The following CCDC171 variants were observed in gnomAD, a reference collection of about 807,000 sequenced individuals.
CCDC171 encodes coiled-coil domain containing 171.
A neutral mutation model predicts 168.2 loss-of-function variants in CCDC171; 177 were observed. The observed-to-expected ratio is 1.05, with a 90% CI of 0.93 to 1.19. CCDC171 has a LOEUF of 1.19. Ranked by LOEUF, CCDC171 falls within the 50% of genes most tolerant of loss-of-function variation. CCDC171 has a pLI of 0.00. For synonymous variants in CCDC171, 687 were observed against 540.8 expected (o/e 1.27, Z -3.75); for missense variants, 1,991 against 1,539.0 (o/e 1.29, Z -4.91).
downstream of CCDC171, among the ~76,000 whole-genome samples, chr9:15,976,025 T>C (rs568208619): frequency 1.3e-5 from 2 of 152,234 alleles, no homozygotes; most frequent in South Asian, 2.1e-4. Flanking sequence ...GTTGAAGTGA[T>C]GTGCTGTGAA....
the CCDC171 span, among the ~76,000 whole-genome samples, chr9:16,081,218 A>G: frequency 2.6e-5 from 4 of 152,190 alleles, no homozygotes; most frequent in Admixed American, 1.3e-4. Flanking sequence ...CTTGCTTGCT[A>G]ATGGAACCCA....
intron 4 of CCDC171, among the ~76,000 whole-genome samples, chr9:15,586,230 C>G (rs555402423): frequency 6.6e-6 from 1 of 152,052 alleles, no homozygotes; most frequent in African/African-American, 2.4e-5. Flanking sequence ...GCAAATATGG[C>G]AAAATGTTAA....
rs529839607 is a variant in CCDC171 at position 15,573,344 on chromosome 9, C to T, written c.177+1585C>T. Among the ~76,000 whole-genome samples the T allele has an allele frequency of 7.9e-5, 12 of 152,188 alleles. No homozygotes were observed. In the South Asian group the frequency reaches 1.9e-3, roughly 24 times the overall value. On this transcript the variant is annotated intron_variant, in intron 3 of 25. Coordinates refer to ENST00000380701, the MANE Select transcript of CCDC171 (RefSeq NM_173550.4). ...AGGCTGGAGTGCAGTGGAGCGATCTCGGCTCACTGCAACCACTGCCTCCAG... is the reference window on the plus strand; with the variant it reads ...AGGCTGGAGTGCAGTGGAGCGATCTTGGCTCACTGCAACCACTGCCTCCAG...
intron 18 of CCDC171, among the ~76,000 whole-genome samples, chr9:15,753,457 A>T (rs895222463): frequency 3.9e-5 from 6 of 152,100 alleles, no homozygotes; most frequent in African/African-American, 1.4e-4. Context: ...ATCGGAAGAG[A>T]GATGTATCAT....
the CCDC171 span, among the ~76,000 whole-genome samples, chr9:16,092,739 G>A: frequency 6.6e-6 from 1 of 152,154 alleles, no homozygotes; most frequent in Non-Finnish European, 1.5e-5. Flanking sequence ...TTTACCCTGG[G>A]CTCACCTTTG....
chr9:15,931,024 A>G (rs1469512146), intron 25 of CCDC171, among the ~76,000 whole-genome samples: 1 of 151,600 alleles, frequency 6.6e-6, no homozygotes, highest in East Asian at 1.9e-4. Context: ...TGTTAACCAT[A>G]GTCACATCCA....
intron 25 of CCDC171, among the ~76,000 whole-genome samples, chr9:15,968,045 C>G (rs998322434): frequency 3.9e-5 from 6 of 152,114 alleles, no homozygotes; most frequent in African/African-American, 1.2e-4. Flanking sequence ...TGTCCAATTA[C>G]TGTATTTCAT....
intron 4 of CCDC171, among the ~76,000 whole-genome samples, chr9:15,590,486 A>G (rs2131434698): frequency 6.6e-6 from 1 of 152,328 alleles, no homozygotes; most frequent in African/African-American, 2.4e-5. Context: ...CTTCTTTTCT[A>G]GGTGCTGAAA....
At chr9:15,649,121 A>G (rs1008787151) in intron 7 of CCDC171, among the ~76,000 whole-genome samples, 1 of 152,196 alleles carries the variant, frequency 6.6e-6, no homozygotes, top group Non-Finnish European at 1.5e-5. Flanking sequence ...GATCTTTGAC[A>G]AACCTGACAA....
At chr9:15,982,754 C>T (rs1374679982) in intron 3 of CCDC171, among the ~76,000 whole-genome samples, 3 of 152,090 alleles carry the variant, frequency 2.0e-5, no homozygotes, top group Admixed American at 2.0e-4. Context: ...CTTAAACCGA[C>T]TCACTTAATT....
At chr9:15,979,291 C>A (rs7037181) in intron 3 of CCDC171, among the ~76,000 whole-genome samples, 11,582 of 152,098 alleles carry the variant, frequency 0.076, 1,440 homozygotes, top group African/African-American at 0.26. Context: ...CTTCTTCTTA[C>A]CAAATTGTCT....
intron 23 of CCDC171, among the ~76,000 whole-genome samples, chr9:15,865,734 A>C (rs908417934): frequency 1.3e-5 from 2 of 152,034 alleles, no homozygotes; most frequent in African/African-American, 4.8e-5. Flanking sequence ...AAGGCTTCCA[A>C]TAGTAGACTG....
chr9:15,673,019 C>T (rs948701344), intron 9 of CCDC171, among the ~76,000 whole-genome samples: 1 of 152,156 alleles, frequency 6.6e-6, no homozygotes, highest in African/African-American at 2.4e-5. Context: ...TTTGTGTCCT[C>T]TTTTATTTCC....
In CCDC171 at chr9:15,827,494, G is replaced by A. The variant is rs572368135; in HGVS notation, c.3268-19208G>A. ...CTTTCTAAAATGGAAGTTTGCCAGAGAAGAGTGTCATCTTGAACTAGACTT... is the reference window on the plus strand; with the variant it reads ...CTTTCTAAAATGGAAGTTTGCCAGAAAAGAGTGTCATCTTGAACTAGACTT... On this transcript the variant is annotated intron_variant, in intron 21 of 25. Coordinates refer to ENST00000380701, the MANE Select transcript of CCDC171 (RefSeq NM_173550.4). Among the ~76,000 whole-genome samples the A allele has an allele frequency of 5.8e-3, 883 of 152,270 alleles. 11 individuals are homozygous for A. Among genetic ancestry groups the A allele is most frequent in the African/African-American group, 0.021 (853 of 41,540 alleles).
At chr9:15,759,149 C>A (rs1035917408) in intron 18 of CCDC171, among the ~76,000 whole-genome samples, 5 of 152,148 alleles carry the variant, frequency 3.3e-5, no homozygotes, top group African/African-American at 1.2e-4. Context: ...TCCTATCCAT[C>A]CACTAATAGA....
chr9:15,925,580 G>T (rs1475059929), intron 25 of CCDC171, among the ~76,000 whole-genome samples: 2 of 151,600 alleles, frequency 1.3e-5, no homozygotes, highest in Non-Finnish European at 3.0e-5. Context: ...TGGCTACAGT[G>T]TGAGGAACCA....
intron 7 of CCDC171, among the ~76,000 whole-genome samples, chr9:15,633,841 G>T (rs1373656602): frequency 6.6e-6 from 1 of 152,214 alleles, no homozygotes; most frequent in Non-Finnish European, 1.5e-5. Context: ...ATAGTATGCA[G>T]CCATAAAAAA....
chr9:15,690,137 G>A (rs1045888402), intron 10 of CCDC171, among the ~76,000 whole-genome samples: 7 of 152,170 alleles, frequency 4.6e-5, no homozygotes, highest in Admixed American at 6.5e-5. Flanking sequence ...GGGAGTGAGA[G>A]CCAGTGGGTG....
At chr9:16,082,913 A>G in the CCDC171 span, among the ~76,000 whole-genome samples, 1 of 152,166 alleles carries the variant, frequency 6.6e-6, no homozygotes, top group Admixed American at 6.5e-5. Flanking sequence ...GACATGGTCC[A>G]CTCCAACCTT....
Sources: gnomAD v4.1 joint callset for allele counts (sites outside exome capture counted in the v4.1 genomes callset) on GRCh38, gnomAD v4.1.1 for gene constraint, MANE v1.5 for transcripts, NCBI Gene and HGNC (gene_info 2026-07-23, HGNC 2026-07-21) for gene names.